POLG: variants seen among roughly 807,000 people sequenced by gnomAD.
POLG encodes the protein DNA polymerase subunit gamma-1.
In POLG, 110 loss-of-function variants were observed where a neutral mutation model predicts 155.4. The ratio of observed to expected loss-of-function variants is 0.71; its 90% CI spans 0.61 to 0.83. The LOEUF (loss-of-function observed/expected upper bound fraction) is 0.83. Among genes scored for constraint, POLG ranks in the 40% least tolerant of loss-of-function variants. The probability of loss-of-function intolerance (pLI) is 0.00; values close to 1 mark genes in which losing one functional copy is unlikely to be tolerated. For synonymous variants in POLG, 701 were observed against 631.5 expected (o/e 1.11, Z -1.65); for missense variants, 1,685 against 1,627.5 (o/e 1.04, Z -0.61).
rs1169080759 is a variant in POLG at position 89,325,127 on chromosome 15, TGAGAGAGTGAGTGAGA to T, written c.1949+307_1949+322del. On this transcript the variant is annotated intron_variant, in intron 10 of 22. Coordinates refer to ENST00000268124, the MANE Select transcript of POLG (RefSeq NM_002693.3). ...GAGTGAGAGAGAGTGAGTGAGTGAG[TGAGAGAGTGAGTGAGA>T]GAGTGAGTGAGTGAGTGAGTGAGTG... Among the ~76,000 whole-genome samples, 11 of 38,224 alleles carry T rather than the reference TGAGAGAGTGAGTGAGA, an allele frequency of 2.9e-4. 3 individuals carry two copies. Among genetic ancestry groups the T allele is most frequent in the African/African-American group, 1.3e-3 (10 of 7,408 alleles). The allele number at this position is 38,224 out of a possible 152,430, so 25.1% of individuals were successfully genotyped here.
chr15:89,325,195 AGAGTGAGTGAGAGAGTGAGT>A (rs2055485406), intron 10 of POLG, among the ~76,000 whole-genome samples: 2 of 49,122 alleles, frequency 4.1e-5, no homozygotes, highest in African/African-American at 3.8e-4. Context: ...AGTGAGTGAG[AGAGTGAGTGAGAGAGTGAGT>A]GAGTGAGAGA....
Position 89,325,278 on chromosome 15 carries a change from GAGAGAA to G in POLG, c.1949+166_1949+171del, listed in dbSNP as rs1304536018. Among the ~76,000 whole-genome samples the G allele has an allele frequency of 3.3e-4, 36 of 109,382 alleles. 12 individuals carry two copies. Among genetic ancestry groups the G allele is most frequent in the African/African-American group, 9.6e-4 (22 of 22,816 alleles). 71.8% of individuals were successfully genotyped at this position (109,382 alleles called of 152,430 possible). On this transcript the variant is annotated intron_variant, in intron 10 of 22. Transcript: ENST00000268124. The stretch of plus-strand genomic sequence containing the variant: ...AGAGAGTGAGTGAGTGAGTGAGAGA[GAGAGAA>G]AGAGAGAGAGAGAGGGTGTGTGTGT...
Position 89,327,159 on chromosome 15 carries a change from C to G in POLG, c.1433+8G>C, listed in dbSNP as rs202117797. On this transcript the variant is annotated splice_region_variant and intron_variant, in intron 7 of 22. Coordinates refer to ENST00000268124, the MANE Select transcript of POLG (RefSeq NM_002693.3). The stretch of plus-strand genomic sequence containing the variant: ...TGCCTAGATCCTGCCCACCCAAGGC[C>G]TGGCTACCTCTCTCCTGAGAGCAGC... The G allele has an allele frequency of 6.2e-7, 1 of 1,614,254 alleles. No individual in the cohort carries two copies. Among genetic ancestry groups the G allele is most frequent in the East Asian group, 2.2e-5 (1 of 44,886 alleles).
At position 89,329,032 on chromosome 15, in the gene POLG, A is replaced by G; in HGVS notation, c.934T>C (p.Trp312Arg). Reference protein sequence around the residue: ...SGLSSFQRSLWIAAKQGKHKV... With the variant: ...SGLSSFQRSLRIAAKQGKHKV... ...TGTTTGCCCTGCTTGGCTGCTATCC[A>G]CAGACTGCGCTGGAAGCTGCTTAGC... The change falls in exon 4 of 23, where the codon TGG becomes CGG. Residue 312 changes from tryptophan to arginine, a missense_variant. This residue lies in a region of POLG where 1,210 missense variants were observed against 1,167.1 expected (regional missense o/e 1.04). Coordinates refer to ENST00000268124, the MANE Select transcript of POLG (RefSeq NM_002693.3). 2 of 1,613,250 alleles carry G rather than the reference A, an allele frequency of 1.2e-6. No homozygotes were observed. Among genetic ancestry groups the G allele is most frequent in the Non-Finnish European group, 1.7e-6 (2 of 1,179,998 alleles).
chr15:89,331,865 T>C (rs1334625591), intron 2 of POLG, among the ~76,000 whole-genome samples: 2 of 138,334 alleles, frequency 1.4e-5, no homozygotes, highest in Non-Finnish European at 3.1e-5. Flanking sequence ...AACTAAGCAA[T>C]GCCCCGAGTA....
At chr15:89,317,239 TA>T in intron 22 of POLG, 136 bp downstream of exon 22, 1 of 759,766 alleles carries the variant, frequency 1.3e-6, no homozygotes, top group Non-Finnish European at 2.3e-6. Flanking sequence ...GGGCACCTTA[TA>T]AACTGAAATT....
rs765506021 is a variant in POLG at position 89,325,527 on chromosome 15, C to A, written c.1872G>T (p.Val624=). 1 of 1,612,596 alleles carries A rather than the reference C, an allele frequency of 6.2e-7. No individual in the cohort carries two copies. The stretch of plus-strand genomic sequence containing the variant: ...TGGCCAGGTTGTCCCGCCGCCCAGG[C>A]ACCAAGTAGCCCCAGCCATGACGCT... ...YSERHGWGYL[V]PGRRDNLAKL... The change falls in exon 10 of 23, where the codon GTG becomes GTT. Residue 624 remains valine (V), a synonymous_variant. Coordinates refer to ENST00000268124, the MANE Select transcript of POLG (RefSeq NM_002693.3).
chr15:89,319,091 C>T lies in POLG; in HGVS notation c.3113G>A (p.Trp1038Ter). 2 of 1,614,160 alleles carry T rather than the reference C, an allele frequency of 1.2e-6. No homozygotes were observed. Among genetic ancestry groups the T allele is most frequent in the Non-Finnish European group, 1.7e-6 (2 of 1,180,014 alleles). Residue 1038 changes from tryptophan (W) to a stop codon, truncating the protein, a stop_gained, in exon 20 of 23, where the codon TGG becomes TAG. Coordinates refer to ENST00000268124, the MANE Select transcript of POLG (RefSeq NM_002693.3). LOFTEE classifies it high-confidence loss of function. The stretch of plus-strand genomic sequence containing the variant: ...TTCAGCAACCACCTCCCACTTCTTC[C>T]ACTGTGACCTAAGGGACCAGAAACA... ...VQRETARKSQWKKWEVVAERA... is the reference protein window; with the variant it reads ...VQRETARKSQ
rs746450616 is a variant in POLG, at chr15:89,333,418, A to C, written c.337T>G (p.Trp113Gly). ...SVEHLQKHGL[W>G]GQPAVPLPDV... is the part of the protein sequence containing the mutation. Reference sequence around the variant, plus strand: ...GGCAAGGGCACGGCTGGCTGCCCCCAGAGCCCGTGCTTCTGCAGGTGCTCG... The same window carrying C: ...GGCAAGGGCACGGCTGGCTGCCCCCCGAGCCCGTGCTTCTGCAGGTGCTCG... Residue 113 changes from tryptophan to glycine, a missense_variant, in exon 2 of 23, where the codon TGG (tryptophan) becomes GGG (glycine). Trp to Gly is a radical substitution (Grantham distance 184). Transcript: ENST00000268124. 15 of 1,606,796 alleles carry C rather than the reference A, an allele frequency of 9.3e-6. No homozygotes were observed. In the East Asian group the frequency reaches 2.9e-4, roughly 31 times the overall value.
At chr15:89,318,874 G>GCTCTGCCCTGCCCTCCCTGGGGCCC in intron 20 of POLG, 57 bp downstream of exon 20, 2 of 1,592,824 alleles carry the variant, frequency 1.3e-6, no homozygotes, top group African/African-American at 1.3e-5. Context: ...TCCACAGGGA[G>GCTCTGCCCTGCCCTCCCTGGGGCCC]CTCTGCCCTG....
In POLG at chr15:89,316,532, G is replaced by C. The variant is rs769397004; in HGVS notation, c.*219C>G. On this transcript the variant is annotated 3_prime_UTR_variant, in exon 23 of 23. Transcript: ENST00000268124. ...TACCCAACAAGCAACAATGCCCCTT[G>C]TCCTGTAGTCCACACCGATGTTGGC... The C allele has an allele frequency of 1.4e-6, 2 of 1,432,126 alleles. No individual in the cohort carries two copies. The highest frequency in any genetic ancestry group is 1.9e-6 in the Non-Finnish European group (2 of 1,032,940). 88.7% of individuals were successfully genotyped at this position (1,432,126 alleles called of 1,614,324 possible).
intron 6 of POLG, 54 bp downstream of exon 6, chr15:89,328,402 C>T (rs1483462133): frequency 4.3e-6 from 6 of 1,410,568 alleles, no homozygotes; most frequent in Middle Eastern, 1.8e-4. Context: ...ACAGTGGGCC[C>T]GGGTACCAGG....
chr15:89,318,502 G>A (rs765217205), intron 21 of POLG, 39 bp downstream of exon 21: 1 of 1,571,944 alleles, frequency 6.4e-7, no homozygotes. Flanking sequence ...CCCCACATAG[G>A]AGCACATGGC....
chr15:89,319,163 A>C, intron 19 of POLG, 64 bp from the exon 20 acceptor site: 1 of 1,614,172 alleles, frequency 6.2e-7, no homozygotes, highest in Non-Finnish European at 8.5e-7. Context: ...AAAACAAAGC[A>C]TCCAAGCTCT....
intron 2 of POLG, among the ~76,000 whole-genome samples, chr15:89,331,991 T>G (rs2055600189): frequency 6.6e-6 from 1 of 152,194 alleles, no homozygotes; most frequent in South Asian, 2.1e-4. Context: ...CTTGAGGTAA[T>G]TTGGCCTAAA....
In POLG at chr15:89,321,126, A is replaced by G. The variant is rs1057524425; in HGVS notation, c.2733T>C (p.His911=). The change falls in exon 17 of 23, where the codon CAT becomes CAC. Residue 911 remains histidine (H), a splice_region_variant and synonymous_variant. Coordinates refer to ENST00000268124, the MANE Select transcript of POLG (RefSeq NM_002693.3). ...VLGDAHFAGM[H]GCTAFGWMTL... ...GCCCCAACCCCGGCTCCTGCTCACC[A>G]TGCATGCCGGCAAAGTGGGCGTCTC... 1.2e-6 allele frequency: 2 copies of G among 1,614,084 alleles called. No individual in the cohort carries two copies. The highest frequency in any genetic ancestry group is 8.5e-7 in the Non-Finnish European group (1 of 1,180,042).
chr15:89,328,394 A>C (rs2055550595), intron 6 of POLG, 62 bp downstream of exon 6: 1 of 1,323,472 alleles, frequency 7.6e-7, no homozygotes, highest in Non-Finnish European at 1.1e-6. Context: ...ACCTGATTAC[A>C]GTGGGCCCGG....
rs2307452 is a variant in POLG at position 89,324,248 on chromosome 15, G to A, written c.1950-21C>T. ...TGGCTCTGGGCAGAGAACAGTAGCA[G>A]CAGCAGCCGCTGATTACCAGATGCC... On this transcript the variant is annotated intron_variant, in intron 10 of 22. Transcript: ENST00000268124. The A allele has an allele frequency of 3.5e-3, 5,564 of 1,608,758 alleles. 149 individuals are homozygous for A. The African/African-American group carries it at 0.065, about 19-fold the overall frequency.
chr15:89,317,744 T>C (rs2055320837), intron 21 of POLG: 1 of 599,742 alleles, frequency 1.7e-6, no homozygotes, highest in East Asian at 2.8e-5. Flanking sequence ...GAAATGCAAT[T>C]ATGGACTCAA....
Sources: allele counts gnomAD v4.1 joint callset (sites outside exome capture counted in the v4.1 genomes callset), GRCh38; gene constraint gnomAD v4.1.1; regional missense constraint gnomAD v4.1.1; transcripts MANE v1.5; gene names NCBI Gene and HGNC (gene_info 2026-07-23, HGNC 2026-07-21).